The following TRIOBP variants were observed in gnomAD, a reference collection of about 807,000 sequenced individuals.
TRIOBP encodes the protein TRIO and F-actin binding protein.
Under a neutral mutation model 238.8 loss-of-function variants are expected in TRIOBP, and 169 were observed. The ratio of observed to expected loss-of-function variants is 0.71; its 90% confidence interval spans 0.62 to 0.80. TRIOBP has a LOEUF of 0.80. Among genes scored for constraint, TRIOBP ranks in the 30% least tolerant of loss-of-function variants. The probability of loss-of-function intolerance (pLI) is 0.00; values close to 1 mark genes in which losing one functional copy is unlikely to be tolerated. For synonymous variants in TRIOBP, 1,150 were observed against 1,274.4 expected, an observed-to-expected ratio of 0.90 and a Z score of 2.08; for missense variants, 2,838 against 3,122.6, an observed-to-expected ratio of 0.91 and a Z score of 2.17.
chr22:37,758,120 C>A lies in TRIOBP; in HGVS notation c.6195C>A (p.His2065Gln). The part of the protein sequence containing the change: ...GERRGPPSDG[H>Q]EALEKEVQAL... ...GCCGAGGGCCCCCAAGTGACGGCCA[C>A]GAGGCACTGGAGAAGGAGGTAGGCA... is the stretch of plus-strand genomic sequence containing the variant. The change falls in exon 16 of 24, where the codon CAC becomes CAA. Residue 2065 changes from histidine to glutamine, a missense_variant. By Grantham distance (24) the His-to-Gln change is conservative. Transcript: ENST00000644935. 1 of 1,610,942 alleles carries A rather than the reference C, an allele frequency of 6.2e-7. No individual in the cohort carries two copies. The highest frequency in any genetic ancestry group is 8.5e-7 in the Non-Finnish European group (1 of 1,179,944).
chr22:37,768,893 G>A (rs1366521716), intron 19 of TRIOBP, 135 bp from the exon 20 acceptor site: 2 of 1,222,264 alleles, frequency 1.6e-6, no homozygotes, highest in Non-Finnish European at 2.4e-6. Context: ...CTGGTTCACA[G>A]CCCCACAGCA....
chr22:37,699,767 C>G (rs917634018), intron 2 of TRIOBP, among the ~76,000 whole-genome samples: 2 of 152,130 alleles, frequency 1.3e-5, no homozygotes, highest in African/African-American at 4.8e-5. Context: ...TCTCGAACTC[C>G]TGACCTCAGG....
At chr22:37,764,973 G>C (rs1926411698) in intron 17 of TRIOBP, among the ~76,000 whole-genome samples, 1 of 152,140 alleles carries the variant, frequency 6.6e-6, no homozygotes, top group Non-Finnish European at 1.5e-5. Flanking sequence ...ATTACCCAGG[G>C]AGGTAAAGTT....
At chr22:37,705,453 C>A (rs1193244545) in intron 3 of TRIOBP, among the ~76,000 whole-genome samples, 5 of 151,774 alleles carry the variant, frequency 3.3e-5, no homozygotes, top group Non-Finnish European at 5.9e-5. Context: ...AGAGGACAGG[C>A]AAGAGGGGGG....
At chr22:37,765,078 C>G (rs1344370506) in intron 17 of TRIOBP, among the ~76,000 whole-genome samples, 1 of 152,170 alleles carries the variant, frequency 6.6e-6, no homozygotes, top group Admixed American at 6.5e-5. Context: ...GTCAGAAGTT[C>G]AAGACCATCC....
At chr22:37,719,999 C>CCTTTTTTTTTTTT (rs1923747238) in intron 6 of TRIOBP, among the ~76,000 whole-genome samples, 1 of 33,690 alleles carries the variant, frequency 3.0e-5, no homozygotes, top group Non-Finnish European at 5.5e-5. Flanking sequence ...CCCCCCCCGC[C>CCTTTTTTTTTTTT]CTTTTTTTTT....
Position 37,748,456 on chromosome 22 carries a change from C to G in TRIOBP, c.5323-3316C>G, listed in dbSNP as rs1329082242. ...CTCCCGGATCAGCCTTCCCCCTCGCCTGCTGGGCATCAAATTATATTTGGT... is the reference window on the plus strand; with the variant it reads ...CTCCCGGATCAGCCTTCCCCCTCGCGTGCTGGGCATCAAATTATATTTGGT... On this transcript the variant is annotated intron_variant, in intron 11 of 23. Coordinates refer to ENST00000644935, the MANE Select transcript of TRIOBP (RefSeq NM_001039141.3). Among the ~76,000 whole-genome samples the G allele has an allele frequency of 2.0e-5, 3 of 152,326 alleles. No homozygotes were observed. In the East Asian group the frequency reaches 5.8e-4, roughly 29 times the overall value.
chr22:37,721,624 C>T (rs540290220), intron 6 of TRIOBP, among the ~76,000 whole-genome samples: 3 of 152,280 alleles, frequency 2.0e-5, no homozygotes, highest in Non-Finnish European at 4.4e-5. Context: ...ACTACAGGCA[C>T]GTACCACCAG....
At chr22:37,718,104 G>C (rs923854044) in intron 6 of TRIOBP, among the ~76,000 whole-genome samples, 5 of 152,164 alleles carry the variant, frequency 3.3e-5, no homozygotes, top group Admixed American at 6.5e-5. Flanking sequence ...CTCATTGCCC[G>C]GGGCCGGCAG....
chr22:37,765,353 G>A (rs1014390082), intron 17 of TRIOBP, among the ~76,000 whole-genome samples: 8 of 152,292 alleles, frequency 5.3e-5, no homozygotes, highest in Admixed American at 3.3e-4. Context: ...AGGTGTGAAC[G>A]TGCTGCAACC....
chr22:37,701,469 C>A lies in TRIOBP; in HGVS notation c.104C>A (p.Ala35Glu), dbSNP rs1922639419. Residue 35 changes from alanine (A) to glutamate (E), a missense_variant, in exon 3 of 24, where the codon GCA becomes GAA. Around this residue, in one of 5 missense-constraint regions of TRIOBP, gnomAD observed 535 missense variants for 537.3 expected, o/e 1.00. Coordinates refer to ENST00000644935, the MANE Select transcript of TRIOBP (RefSeq NM_001039141.3). ...TTCCACCCTGAGGAGGCCCATGGAGCAAGATACCAGGTGGGCCAGTTTTCC... is the reference window on the plus strand; with the variant it reads ...TTCCACCCTGAGGAGGCCCATGGAGAAAGATACCAGGTGGGCCAGTTTTCC... ...NCFHPEEAHG[A>E]RYQELRSPSG... 1 of 1,611,436 alleles carries A rather than the reference C, an allele frequency of 6.2e-7. No homozygotes were observed. The highest frequency in any genetic ancestry group is 8.5e-7 in the Non-Finnish European group (1 of 1,178,968).
At chr22:37,751,663 G>A (rs1925611171) in intron 11 of TRIOBP, 109 bp from the exon 12 acceptor site, 5 of 1,305,232 alleles carry the variant, frequency 3.8e-6, no homozygotes, top group Admixed American at 1.8e-5. Context: ...CTTCCCAGGA[G>A]CTCGGTCCCA....
At chr22:37,750,585 A>G (rs1424657050) in intron 11 of TRIOBP, 4 of 467,096 alleles carry the variant, frequency 8.6e-6, no homozygotes, top group Non-Finnish European at 1.8e-5. Context: ...CAGCGGGACA[A>G]ACGCAGCCCC....
rs2145881698 is a variant in TRIOBP at position 37,769,083 on chromosome 22, C to G, written c.6631C>G (p.Gln2211Glu). 6.2e-7 allele frequency: 1 copy of G among 1,613,582 alleles called. No homozygotes were observed. Among genetic ancestry groups the G allele is most frequent in the East Asian group, 2.2e-5 (1 of 44,884 alleles). Residue 2211 changes from glutamine (Q) to glutamate (E), a missense_variant, in exon 20 of 24, where the codon CAG becomes GAG. Physicochemically the swap from Gln to Glu is conservative, Grantham distance 29. Transcript: ENST00000644935. ...GCAGGTGCTATCGGAGCAGTACTCG[C>G]AGAAGTGCCTGGAGATTGGGGCACT... ...ELQVLSEQYS[Q>E]KCLEIGALMR...
At chr22:37,770,166 C>T (rs1184894021) in intron 21 of TRIOBP, among the ~76,000 whole-genome samples, 1 of 148,436 alleles carries the variant, frequency 6.7e-6, no homozygotes, top group Non-Finnish European at 1.5e-5. Flanking sequence ...TGGCCGGGCG[C>T]GGTGGCTCAC....
intron 21 of TRIOBP, among the ~76,000 whole-genome samples, chr22:37,770,113 C>T (rs770362913): frequency 1.0e-4 from 15 of 148,032 alleles, no homozygotes; most frequent in African/African-American, 1.5e-4. Flanking sequence ...GGCGCGATCT[C>T]GGCTCACCAC....
At chr22:37,750,830 C>CA in intron 11 of TRIOBP, 3 of 443,458 alleles carry the variant, frequency 6.8e-6, no homozygotes, top group South Asian at 4.9e-5. Flanking sequence ...CTGCCACTGT[C>CA]ACCGCCCACT....
chr22:37,699,967 C>T (rs1476377699), intron 2 of TRIOBP, among the ~76,000 whole-genome samples: 1 of 152,100 alleles, frequency 6.6e-6, no homozygotes, highest in Non-Finnish European at 1.5e-5. Context: ...CTACCTCTGC[C>T]TCCCAGGTTC....
chr22:37,723,185 A>G lies in TRIOBP; in HGVS notation c.629A>G (p.Asp210Gly). The change falls in exon 7 of 24, where the codon GAC becomes GGC. Residue 210 changes from aspartate (D) to glycine (G), a missense_variant and splice_region_variant. Asp to Gly is a moderately conservative substitution (Grantham distance 94). Coordinates refer to ENST00000644935, the MANE Select transcript of TRIOBP (RefSeq NM_001039141.3). Reference protein sequence around the residue: ...GGDAAGQKKEDTGGGGRSAGQ... With the variant: ...GGDAAGQKKEGTGGGGRSAGQ... ...TTGAGCCCCTCTCTTCTCTCTCCAG[A>G]CACCGGCGGTGGGGGCCGGAGCGCA... 6.2e-7 allele frequency: 1 copy of G among 1,613,800 alleles called. No homozygotes were observed. Among genetic ancestry groups the G allele is most frequent in the Non-Finnish European group, 8.5e-7 (1 of 1,179,826 alleles).
Sources: gnomAD v4.1 joint callset for allele counts (sites outside exome capture counted in the v4.1 genomes callset) on GRCh38, gnomAD v4.1.1 for gene constraint, gnomAD v4.1.1 regional missense constraint, MANE v1.5 for transcripts, NCBI Gene and HGNC (gene_info 2026-07-23, HGNC 2026-07-21) for gene names.